The following ZNF404 variants were observed in gnomAD, a reference collection of about 807,000 sequenced individuals.
ZNF404 encodes the protein zinc finger protein 404.
In ZNF404, 7 loss-of-function variants were observed where a neutral mutation model predicts 7.3. That is an observed-to-expected ratio of 0.95 (90% confidence interval 0.54 to 1.79). The LOEUF (loss-of-function observed/expected upper bound fraction) is 1.79. Ranked by LOEUF, ZNF404 falls within the 40% of genes most tolerant of loss-of-function variation. ZNF404 has a pLI of 0.00. For missense variants in ZNF404, 560 were observed against 661.5 expected (o/e 0.85, Z 1.68); for synonymous variants, 191 against 209.9 (o/e 0.91, Z 0.78).
chr19:43,875,260 G>A (rs546986673), intron 2 of ZNF404, among the ~76,000 whole-genome samples: 9 of 151,994 alleles, frequency 5.9e-5, no homozygotes, highest in Admixed American at 4.6e-4. Context: ...GTAATCACGT[G>A]TTGCATTAAT....
intron 1 of ZNF404, among the ~76,000 whole-genome samples, chr19:43,882,820 G>T (rs1295991230): frequency 6.6e-6 from 1 of 151,698 alleles, no homozygotes; most frequent in Admixed American, 6.6e-5. Context: ...TTAAAAAGAG[G>T]CTGGGCATTG....
intron 1 of ZNF404, chr19:43,881,715 C>T (rs147727490): frequency 0.069 from 10,506 of 151,872 alleles, 1,186 homozygotes; most frequent in African/African-American, 0.24. Context: ...CCAGCACTTT[C>T]GGAGGGTGAG....
intron 2 of ZNF404, among the ~76,000 whole-genome samples, chr19:43,874,874 C>T (rs1038654728): frequency 3.9e-5 from 6 of 152,054 alleles, no homozygotes; most frequent in African/African-American, 1.4e-4. Flanking sequence ...AAAACAAGTC[C>T]CTACCATTGG....
At chr19:43,883,928 CA>C in intron 1 of ZNF404, 27 bp downstream of exon 1, 1 of 1,597,804 alleles carries the variant, frequency 6.3e-7, no homozygotes, top group Non-Finnish European at 8.5e-7. Flanking sequence ...CACAATAAGT[CA>C]GAAAAGCAAA....
At chr19:43,883,215 T>C (rs1211457446) in intron 1 of ZNF404, among the ~76,000 whole-genome samples, 1 of 152,208 alleles carries the variant, frequency 6.6e-6, no homozygotes, top group Non-Finnish European at 1.5e-5. Flanking sequence ...TATACTAATA[T>C]GGCATGTATG....
At chr19:43,882,734 T>G (rs1046202811) in intron 1 of ZNF404, among the ~76,000 whole-genome samples, 25 of 148,536 alleles carry the variant, frequency 1.7e-4, no homozygotes, top group Non-Finnish European at 3.3e-4. Flanking sequence ...GAGGCTGCGG[T>G]AAACCTTGAT....
At chr19:43,881,910 T>C (rs1971897480) in intron 1 of ZNF404, among the ~76,000 whole-genome samples, 1 of 133,902 alleles carries the variant, frequency 7.5e-6, no homozygotes, top group Non-Finnish European at 1.5e-5. Context: ...TGAGCCAAGA[T>C]CACATCATTG....
chr19:43,883,812 T>G, intron 1 of ZNF404, 144 bp downstream of exon 1: 1 of 769,066 alleles, frequency 1.3e-6, no homozygotes, highest in Non-Finnish European at 2.1e-6. Flanking sequence ...GAGGACATCA[T>G]CCATCACTGG....
rs2146616440 is a variant in ZNF404, at chr19:43,873,006, A to G, written c.1208T>C (p.Ile403Thr). The change falls in exon 3 of 3, where the codon ATA (isoleucine) becomes ACA (threonine). Residue 403 changes from isoleucine (I) to threonine (T), a missense_variant. Physicochemically the swap from Ile to Thr is moderately conservative, Grantham distance 89. Transcript: ENST00000587539. ...ATATGGCTTCAAATCAGTATGAATT[A>G]TCTGATGTTGAATAAGATATGAATG... ...KLHSYLIQHQ[I>T]IHTDLKPYEC... The G allele has an allele frequency of 6.2e-7, 1 of 1,603,114 alleles. No individual in the cohort carries two copies. The highest frequency in any genetic ancestry group is 1.7e-4 in the Middle Eastern group (1 of 6,032).
intron 1 of ZNF404, among the ~76,000 whole-genome samples, chr19:43,883,739 C>A (rs920009154): frequency 6.6e-6 from 1 of 152,024 alleles, no homozygotes; most frequent in African/African-American, 2.4e-5. Context: ...ACTGAACACA[C>A]AGAAGATGGA....
At chr19:43,879,971 G>C (rs1373469244) in intron 2 of ZNF404, 39 bp downstream of exon 2, 2 of 1,609,820 alleles carry the variant, frequency 1.2e-6, no homozygotes, top group Admixed American at 1.7e-5. Context: ...TGATATTCTA[G>C]AGAGCATATT....
At chr19:43,882,432 TG>T (rs971837786) in intron 1 of ZNF404, among the ~76,000 whole-genome samples, 2 of 152,020 alleles carry the variant, frequency 1.3e-5, no homozygotes, top group African/African-American at 4.8e-5. Context: ...TACATAAGCT[TG>T]GGGTGAGGCA....
At chr19:43,878,893 T>C (rs904211501) in intron 2 of ZNF404, among the ~76,000 whole-genome samples, 2 of 152,232 alleles carry the variant, frequency 1.3e-5, no homozygotes, top group African/African-American at 4.8e-5. Flanking sequence ...TCTATCAGAC[T>C]AACAGAGGAA....
intron 1 of ZNF404, among the ~76,000 whole-genome samples, chr19:43,881,114 C>T (rs1269396615): frequency 6.6e-6 from 1 of 151,984 alleles, no homozygotes; most frequent in Non-Finnish European, 1.5e-5. Flanking sequence ...TATAAAAAAC[C>T]CATAGCTAAC....
chr19:43,879,028 C>T (rs1971874106), intron 2 of ZNF404, among the ~76,000 whole-genome samples: 1 of 151,600 alleles, frequency 6.6e-6, no homozygotes, highest in Non-Finnish European at 1.5e-5. Context: ...TGACAAATAA[C>T]AAGATTAAAA....
Position 43,883,940 on chromosome 19 carries a change from A to G in ZNF404, c.9+16T>C, listed in dbSNP as rs763405887. 19 of 1,599,096 alleles carry G rather than the reference A, an allele frequency of 1.2e-5. 1 individual carries two copies. The Middle Eastern group carries it at 2.3e-3, about 195-fold the overall frequency. ...AATCACAATAAGTCAGAAAAGCAAA[A>G]GAGACATCAACTCACCCGGGCCATG... On this transcript the variant is annotated intron_variant, in intron 1 of 2. Transcript: ENST00000587539.
chr19:43,872,655 A>C lies in ZNF404; in HGVS notation c.1559T>G (p.Val520Gly). The change falls in exon 3 of 3, where the codon GTG becomes GGG. Residue 520 changes from valine (V) to glycine (G), a missense_variant. Val to Gly is a moderately radical substitution (Grantham distance 109). Transcript: ENST00000587539. This position sits in a 1 kb window ranked among gnomAD's most constrained non-coding sequence, Gnocchi z 4.4. ...ACATTCTTTGCATTTCTGTGGTTTC[A>C]CACCAGTATGAATTGTCTCATGTTG... ...LTQHETIHTG[V>G]KPQKCKECGK... 6.2e-7 allele frequency: 1 copy of C among 1,613,078 alleles called. No individual in the cohort carries two copies. The highest frequency in any genetic ancestry group is 8.5e-7 in the Non-Finnish European group (1 of 1,179,476).
intron 2 of ZNF404, among the ~76,000 whole-genome samples, chr19:43,877,748 A>C (rs1232897798): frequency 3.0e-5 from 3 of 100,028 alleles, no homozygotes; most frequent in African/African-American, 7.9e-5. Context: ...CCCACCCCAC[A>C]ACAGTCCCCA....
At chr19:43,877,630 T>G (rs1485802451) in intron 2 of ZNF404, among the ~76,000 whole-genome samples, 3 of 151,300 alleles carry the variant, frequency 2.0e-5, no homozygotes, top group African/African-American at 7.3e-5. Context: ...ATGTGCACAT[T>G]GTGCAGGTTA....
Sources: gnomAD v4.1 joint callset for allele counts (sites outside exome capture counted in the v4.1 genomes callset) on GRCh38, gnomAD v4.1.1 for gene constraint, Gnocchi (gnomAD v3.1) non-coding constraint, MANE v1.5 for transcripts, NCBI Gene and HGNC (gene_info 2026-07-23, HGNC 2026-07-21) for gene names.